Variants in HDAC2 observed in about 807,000 individuals in gnomAD.
The protein encoded by HDAC2 is histone deacetylase 2.
A neutral mutation model predicts 68.5 loss-of-function variants in HDAC2; 5 were observed. The ratio of observed to expected loss-of-function variants is 0.07; its 90% CI spans 0.04 to 0.15. HDAC2 has a LOEUF of 0.15. Ranked by LOEUF, HDAC2 falls within the 10% of genes least tolerant of loss-of-function variation. The pLI, the probability that HDAC2 is intolerant of heterozygous loss-of-function variation, is 1.00. For synonymous variants in HDAC2, 182 were observed against 191.3 expected, an observed-to-expected ratio of 0.95 and a Z score of 0.40; for missense variants, 291 against 600.8, an observed-to-expected ratio of 0.48 and a Z score of 5.39.
intron 6 of HDAC2, among the ~76,000 whole-genome samples, chr6:113,952,956 T>C (rs767293239): frequency 6.6e-6 from 1 of 152,128 alleles, no homozygotes; most frequent in Non-Finnish European, 1.5e-5. Flanking sequence ...TTACAATCAA[T>C]AGCAACGTAG....
At chr6:113,969,458 T>G (rs1237177699) in intron 1 of HDAC2, among the ~76,000 whole-genome samples, 2 of 152,206 alleles carry the variant, frequency 1.3e-5, no homozygotes, top group Non-Finnish European at 2.9e-5. Flanking sequence ...GGGTCTTACT[T>G]CTCTAAAATT....
intron 12 of HDAC2, among the ~76,000 whole-genome samples, chr6:113,943,117 T>C (rs1007344775): frequency 1.3e-5 from 2 of 152,158 alleles, no homozygotes; most frequent in Non-Finnish European, 2.9e-5. Flanking sequence ...ATTTTAAACC[T>C]ATGTTATCAA....
intron 5 of HDAC2, 22 bp from the exon 6 acceptor site, chr6:113,953,440 T>C: frequency 1.3e-6 from 2 of 1,516,536 alleles, no homozygotes; most frequent in Non-Finnish European, 1.8e-6. Flanking sequence ...TCCATAAGTT[T>C]TGGTTTTTCC....
Position 113,956,015 on chromosome 6 carries a change from T to C in HDAC2, c.495A>G (p.Leu165=), listed in dbSNP as rs777768132. 9 of 1,593,128 alleles carry C rather than the reference T, an allele frequency of 5.6e-6. No individual in the cohort carries two copies. The Admixed American group carries it at 1.4e-4, about 25-fold the overall frequency. Residue 165 remains leucine, a splice_region_variant and synonymous_variant, in exon 5 of 14, where the codon CTA becomes CTG. Transcript: ENST00000519065. The part of the protein sequence containing the change: ...NDIVLAILEL[L]KYHQRVLYID... The stretch of plus-strand genomic sequence containing the variant: ...AGTATCAATATAAATTAACATACTT[T>C]AGTAATTCAAGGATGGCAAGCACAA...
At chr6:113,944,929 C>A (rs2114591718) in intron 10 of HDAC2, among the ~76,000 whole-genome samples, 1 of 152,298 alleles carries the variant, frequency 6.6e-6, no homozygotes, top group East Asian at 1.9e-4. Context: ...TATAATGTCT[C>A]TACTTTGCTT....
Position 113,940,208 on chromosome 6 carries a change from TTG to T in HDAC2, c.*848_*849del, listed in dbSNP as rs1266266058. 1 of 152,166 alleles carries T rather than the reference TTG, an allele frequency of 6.6e-6. No individual in the cohort carries two copies. Among genetic ancestry groups the T allele is most frequent in the Admixed American group, 6.5e-5 (1 of 15,270 alleles). 9.4% of individuals were successfully genotyped at this position (152,166 alleles called of 1,614,324 possible). A position where few individuals can be genotyped will look rare whatever the true frequency, so the allele number is the denominator to read the frequency against. ...AAGTAGTTGCTGAATGATAAATCAGTTGTGTTTATTTCCTTGAGTTAGAAACC... is the reference window on the plus strand; with the variant it reads ...AAGTAGTTGCTGAATGATAAATCAGTTGTTTATTTCCTTGAGTTAGAAACC... On this transcript the variant is annotated 3_prime_UTR_variant, in exon 14 of 14. Transcript: ENST00000519065.
chr6:113,942,848 TC>T (rs1776168650), intron 12 of HDAC2, among the ~76,000 whole-genome samples: 1 of 152,146 alleles, frequency 6.6e-6, no homozygotes, highest in African/African-American at 2.4e-5. Context: ...CTAACCCAGG[TC>T]CCAAATCCCC....
chr6:113,943,354 T>G lies in HDAC2; in HGVS notation c.1375A>C (p.Thr459Pro), dbSNP rs1329750660. ...ATTACCAAGAAACAAATCTGACCTG[T>G]TTTTTTGTCCTCTGTTTCTTTCTTA... Reference protein sequence around the residue: ...EDKKETEDKKTDVKEEDKSKD... With the variant: ...EDKKETEDKKPDVKEEDKSKD... The change falls in exon 12 of 14, where the codon ACA becomes CCA. Residue 459 changes from threonine to proline, a missense_variant. This residue lies in a region of HDAC2 where 137 missense variants were observed against 128.7 expected (regional missense o/e 1.06). Transcript: ENST00000519065. 6.3e-7 allele frequency: 1 copy of G among 1,591,182 alleles called. No individual in the cohort carries two copies. Among genetic ancestry groups the G allele is most frequent in the African/African-American group, 1.4e-5 (1 of 73,464 alleles).
intron 6 of HDAC2, among the ~76,000 whole-genome samples, chr6:113,952,771 A>T (rs1776450477): frequency 6.6e-6 from 1 of 152,228 alleles, no homozygotes; most frequent in Non-Finnish European, 1.5e-5. Flanking sequence ...ACTTAATGTT[A>T]ACAGGCAGGC....
chr6:113,955,239 A>G (rs1052785842), intron 5 of HDAC2, among the ~76,000 whole-genome samples: 1 of 151,472 alleles, frequency 6.6e-6, no homozygotes, highest in African/African-American at 2.4e-5. Context: ...TTTGAGATGG[A>G]GTCTCACTCT....
In HDAC2 at chr6:113,953,201, A is replaced by T. The variant is rs953327644; in HGVS notation, c.639+76T>A. Reference sequence around the variant, plus strand: ...TTCAAATTATTAACTCAGGAGAAAAATACTACTTCAAGTATAGGATTACTG... The same window carrying T: ...TTCAAATTATTAACTCAGGAGAAAATTACTACTTCAAGTATAGGATTACTG... On this transcript the variant is annotated intron_variant, in intron 6 of 13. Coordinates refer to ENST00000519065, the MANE Select transcript of HDAC2 (RefSeq NM_001527.4). 3.6e-5 allele frequency: 37 copies of T among 1,018,276 alleles called. No homozygotes were observed. The African/African-American group carries it at 5.8e-4, about 16-fold the overall frequency. The allele number at this position is 1,018,276 out of a possible 1,614,324, so 63.1% of individuals were successfully genotyped here.
chr6:113,949,320 G>T, intron 6 of HDAC2, 60 bp from the exon 7 acceptor site: 2 of 1,051,322 alleles, frequency 1.9e-6, no homozygotes, highest in East Asian at 2.5e-5. Flanking sequence ...TTTGGCATTT[G>T]TTTACTACAT....
intron 6 of HDAC2, among the ~76,000 whole-genome samples, chr6:113,951,322 A>G (rs1776409301): frequency 6.6e-6 from 1 of 152,244 alleles, no homozygotes; most frequent in African/African-American, 2.4e-5. Context: ...TTATTAAATT[A>G]ACATCCAAAG....
Position 113,940,235 on chromosome 6 carries a change from C to T in HDAC2, c.*823G>A, listed in dbSNP as rs1462694962. ...GTGTTTATTTCCTTGAGTTAGAAAC[C>T]TGGATGTCACGTAAATAATAATGGA... On this transcript the variant is annotated 3_prime_UTR_variant, in exon 14 of 14. Transcript: ENST00000519065. 6.6e-6 allele frequency: 1 copy of T among 152,070 alleles called. No homozygotes were observed. Among genetic ancestry groups the T allele is most frequent in the African/African-American group, 2.4e-5 (1 of 41,414 alleles). 9.4% of individuals were successfully genotyped at this position (152,070 alleles called of 1,614,324 possible). A position where few individuals can be genotyped will look rare whatever the true frequency, so the allele number is the denominator to read the frequency against.
intron 8 of HDAC2, chr6:113,948,477 G>C (rs1776316215): frequency 6.5e-6 from 1 of 152,678 alleles, no homozygotes. Flanking sequence ...CTAAGCAAAT[G>C]AGAAACTTAG....
chr6:113,943,290 T>G, intron 12 of HDAC2, 61 bp downstream of exon 12: 1 of 1,380,148 alleles, frequency 7.2e-7, no homozygotes, highest in Non-Finnish European at 1.0e-6. Flanking sequence ...ATAAACATTA[T>G]AATGCAGCCC....
chr6:113,938,182 A>T lies in HDAC2; in HGVS notation c.*2876T>A, dbSNP rs1287644863. ...AATAAATAAACATAATAGGTTTAAAAAACTAAGTTAAAAAATAAGTCTCTC... is the reference window on the plus strand; with the variant it reads ...AATAAATAAACATAATAGGTTTAAATAACTAAGTTAAAAAATAAGTCTCTC... On this transcript the variant is annotated 3_prime_UTR_variant, in exon 14 of 14. Coordinates refer to ENST00000519065, the MANE Select transcript of HDAC2 (RefSeq NM_001527.4). 1 of 152,232 alleles carries T rather than the reference A, an allele frequency of 6.6e-6. No homozygotes were observed. The highest frequency in any genetic ancestry group is 2.4e-5 in the African/African-American group (1 of 41,456). The allele number at this position is 152,232 out of a possible 1,614,324, so 9.4% of individuals were successfully genotyped here.
Position 113,938,003 on chromosome 6 carries a change from TG to T in HDAC2, c.*3054del, listed in dbSNP as rs1272125294. ...TCTACTAAAAATGCGAACAATTAGC[TG>T]GGCGTGGTGACAGGCGCCTGTAATC... is the stretch of plus-strand genomic sequence containing the variant. On this transcript the variant is annotated 3_prime_UTR_variant, in exon 14 of 14. Coordinates refer to ENST00000519065, the MANE Select transcript of HDAC2 (RefSeq NM_001527.4). The T allele has an allele frequency of 6.6e-6, 1 of 152,062 alleles. No individual in the cohort carries two copies. The highest frequency in any genetic ancestry group is 2.4e-5 in the African/African-American group (1 of 41,416). The allele number at this position is 152,062 out of a possible 1,614,324, so 9.4% of individuals were successfully genotyped here.
At chr6:113,946,334 TAC>T (rs1294388537) in intron 8 of HDAC2, 186 bp from the exon 9 acceptor site, 1 of 443,812 alleles carries the variant, frequency 2.3e-6, no homozygotes, top group African/African-American at 2.0e-5. Context: ...TATACAATAA[TAC>T]ATATTAAAAA....
Sources: allele counts gnomAD v4.1 joint callset (sites outside exome capture counted in the v4.1 genomes callset), GRCh38; gene constraint gnomAD v4.1.1; regional missense constraint gnomAD v4.1.1; transcripts MANE v1.5; gene names NCBI Gene and HGNC (gene_info 2026-07-23, HGNC 2026-07-21).